The following PDE4DIP variants were observed in gnomAD, a reference collection of about 807,000 sequenced individuals.
The protein encoded by PDE4DIP is phosphodiesterase 4D interacting protein.
PDE4DIP carries 59 observed loss-of-function variants against 221.4 expected under a neutral mutation model. That is an observed-to-expected ratio of 0.27 (90% confidence interval 0.22 to 0.33). The LOEUF is 0.33. Among genes scored for constraint, PDE4DIP ranks in the 10% least tolerant of loss-of-function variants. PDE4DIP has a pLI of 1.00. For missense variants in PDE4DIP, 1,036 were observed against 2,154.2 expected, an observed-to-expected ratio of 0.48 and a Z score of 10.28; for synonymous variants, 404 against 815.9, an observed-to-expected ratio of 0.50 and a Z score of 8.60.
At chr1:149,001,674 A>G (rs2065688819) in exon 24 of PDE4DIP, 6 of 1,612,942 alleles carry the variant, frequency 3.7e-6, no homozygotes, top group Non-Finnish European at 5.1e-6. Context: ...TGGGAGATCG[A>G]GGAAGACAAG....
chr1:149,032,081 A>G (rs782139798), exon 44 of PDE4DIP: 19 of 1,606,642 alleles, frequency 1.2e-5, no homozygotes, highest in South Asian at 3.3e-5. Context: ...GCAGCTACCT[A>G]TCTGCTGAGG....
chr1:149,009,649 C>G, exon 30 of PDE4DIP: 3 of 1,614,168 alleles, frequency 1.9e-6, no homozygotes, highest in Non-Finnish European at 2.5e-6. Context: ...TCACACCCTC[C>G]AGCAGCCATG....
At chr1:148,938,529 C>G (rs1428683501) in intron 5 of PDE4DIP, 1 of 151,728 alleles carries the variant, frequency 6.6e-6, no homozygotes, top group Non-Finnish European at 1.5e-5. Flanking sequence ...CCAGCCACAT[C>G]AAGTGATTTA....
At chr1:148,870,752 T>G (rs1553413145) in intron 3 of PDE4DIP, 1 of 216,992 alleles carries the variant, frequency 4.6e-6, no homozygotes, top group Non-Finnish European at 8.9e-6. Context: ...GGACTCTGAA[T>G]GACAGCACCT....
chr1:149,030,432 C>G (rs2076412176), intron 43 of PDE4DIP, 154 bp downstream of exon 46: 1 of 985,184 alleles, frequency 1.0e-6, no homozygotes, highest in Non-Finnish European at 1.2e-6. Context: ...CAGTGAGCAT[C>G]CTGCTAGTTT....
At chr1:148,820,919 C>T (rs1476273851) in intron 1 of PDE4DIP, among the ~76,000 whole-genome samples, 2 of 148,710 alleles carry the variant, frequency 1.3e-5, no homozygotes, top group South Asian at 2.2e-4. Flanking sequence ...GGGGCGATCT[C>T]GGCTCACTGC....
chr1:148,866,643 A>G (rs1686931700), intron 2 of PDE4DIP: 3 of 33,170 alleles, frequency 9.0e-5, no homozygotes, highest in East Asian at 1.5e-3. Context: ...AAGGGAGGGG[A>G]GGGGAGGGAA....
At chr1:148,977,872 A>G (rs2060478242) in intron 17 of PDE4DIP, 65 bp from the exon 21 acceptor site, 3 of 1,592,224 alleles carry the variant, frequency 1.9e-6, no homozygotes, top group Non-Finnish European at 2.6e-6. Context: ...GTAATAGGAT[A>G]TGCAAAAGCA....
intron 27 of PDE4DIP, among the ~76,000 whole-genome samples, chr1:149,006,770 G>T (rs2067168626): frequency 7.9e-6 from 1 of 126,954 alleles, no homozygotes; most frequent in Non-Finnish European, 1.6e-5. Context: ...GTGCCGTCTT[G>T]GCTAACTACA....
intron 31 of PDE4DIP, among the ~76,000 whole-genome samples, chr1:149,011,092 G>A (rs2068473413): frequency 6.6e-6 from 1 of 152,088 alleles, no homozygotes; most frequent in South Asian, 2.1e-4. Context: ...GAATGGATTG[G>A]CAGTCCTTGA....
intron 23 of PDE4DIP, among the ~76,000 whole-genome samples, chr1:148,999,974 C>A (rs1367809466): frequency 1.3e-5 from 2 of 151,240 alleles, no homozygotes; most frequent in African/African-American, 4.9e-5. Flanking sequence ...ATTAAATATT[C>A]TTTTCCATAT....
In PDE4DIP at chr1:149,028,807, A is replaced by G. The variant is rs1459703594; in HGVS notation, c.6813+104A>G. On this transcript the variant is annotated intron_variant, in intron 41 of 43. Transcript: ENST00000369354. The stretch of plus-strand genomic sequence containing the variant: ...GCTTTTCCAGAAAATCAGGAGCCAC[A>G]TAGTGAGTTGGGATAGACAGGAACT... The G allele has an allele frequency of 2.5e-5, 17 of 682,536 alleles. No homozygotes were observed. In the Admixed American group the frequency reaches 4.2e-4, roughly 17 times the overall value. The allele number at this position is 682,536 out of a possible 1,614,324, so 42.3% of individuals were successfully genotyped here.
intron 5 of PDE4DIP, among the ~76,000 whole-genome samples, chr1:148,954,585 G>A (rs1295848913): frequency 2.2e-4 from 33 of 152,202 alleles, no homozygotes; most frequent in Admixed American, 2.2e-3. Context: ...TTCACAGCCA[G>A]AACTCTACTG....
chr1:149,010,479 C>G (rs2068273642), exon 31 of PDE4DIP: 3 of 1,612,826 alleles, frequency 1.9e-6, no homozygotes, highest in Non-Finnish European at 2.5e-6. Context: ...GCTGTGTTGT[C>G]TTCTAAACCA....
intron 32 of PDE4DIP, among the ~76,000 whole-genome samples, chr1:149,013,781 CTTTTT>C (rs71582768): frequency 1.8e-3 from 57 of 31,944 alleles, no homozygotes; most frequent in Admixed American, 4.8e-3. Flanking sequence ...CCTTCTTCCT[CTTTTT>C]TTTTTTTTTT....
In PDE4DIP at chr1:148,953,086, T is replaced by C. The variant is rs587678032; in HGVS notation, c.637-7568T>C. ...CCAGTATGTATCGGAAGAATAACGATGACTCTGGCGCGGAGATCAAGGCGG... is the reference window on the plus strand; with the variant it reads ...CCAGTATGTATCGGAAGAATAACGACGACTCTGGCGCGGAGATCAAGGCGG... On this transcript the variant is annotated intron_variant, in intron 5 of 43. Transcript: ENST00000369354. The C allele has an allele frequency of 9.3e-6, 15 of 1,614,056 alleles. No homozygotes were observed. The South Asian group carries it at 9.9e-5, about 11-fold the overall frequency.
At chr1:149,007,048 C>G (rs201926058) in intron 27 of PDE4DIP, 153 bp from the exon 31 acceptor site, 1 of 603,812 alleles carries the variant, frequency 1.7e-6, no homozygotes, top group Non-Finnish European at 3.0e-6. Flanking sequence ...AGAATTTACT[C>G]TTAAATACCT....
At chr1:148,895,841 T>C in intron 1 of PDE4DIP, among the ~76,000 whole-genome samples, 1 of 150,046 alleles carries the variant, frequency 6.7e-6, no homozygotes, top group East Asian at 1.9e-4. Flanking sequence ...CAGATACAAA[T>C]GTTCATTCAA....
intron 30 of PDE4DIP, among the ~76,000 whole-genome samples, chr1:149,010,084 G>T (rs1553603811): frequency 6.6e-6 from 1 of 152,178 alleles, no homozygotes; most frequent in South Asian, 2.1e-4. Flanking sequence ...CTGTCAGATA[G>T]ATCTTCTTTA....
Sources: gnomAD v4.1 joint callset for allele counts (sites outside exome capture counted in the v4.1 genomes callset) on GRCh38, gnomAD v4.1.1 for gene constraint, MANE v1.5 for transcripts, NCBI Gene and HGNC (gene_info 2026-07-23, HGNC 2026-07-21) for gene names.